CNTN4: variants seen among roughly 807,000 people sequenced by gnomAD.
CNTN4 encodes the protein contactin 4, also known as contactin-4.
In CNTN4, 77 loss-of-function variants were observed where a neutral mutation model predicts 122.5. The ratio of observed to expected loss-of-function variants is 0.63; its 90% CI spans 0.52 to 0.76. The LOEUF is 0.76. CNTN4 is among the 30% of genes least tolerant of loss of function. The pLI is 0.00. For missense variants in CNTN4, 1,256 were observed against 1,259.1 expected, an observed-to-expected ratio of 1.00 and a Z score of 0.04; for synonymous variants, 512 against 447.0, an observed-to-expected ratio of 1.15 and a Z score of -1.83.
At chr3:2,934,424 C>T (rs1421737114) in intron 13 of CNTN4, among the ~76,000 whole-genome samples, 3 of 150,586 alleles carry the variant, frequency 2.0e-5, no homozygotes, top group African/African-American at 7.3e-5. Flanking sequence ...AGTTGAAATT[C>T]ATGTAAGACA....
chr3:2,904,157 C>G (rs2094204832), intron 12 of CNTN4, among the ~76,000 whole-genome samples: 1 of 152,166 alleles, frequency 6.6e-6, no homozygotes. Context: ...GGAACTGCCT[C>G]CTATTTTAGA....
chr3:2,391,186 G>C lies in CNTN4; in HGVS notation c.-89+51953G>C, dbSNP rs543327005. Among the ~76,000 whole-genome samples, 6 of 152,248 alleles carry C rather than the reference G, an allele frequency of 3.9e-5. No homozygotes were observed. The South Asian group carries it at 1.0e-3, about 26-fold the overall frequency. ...CCTTTGTTTATGGGGTTGGATACTT[G>C]CCATATCTTCAAATATAATAACCAG... On this transcript the variant is annotated intron_variant, in intron 3 of 24. Coordinates refer to ENST00000418658, the MANE Select transcript of CNTN4 (RefSeq NM_175607.3).
intron 3 of CNTN4, among the ~76,000 whole-genome samples, chr3:2,524,581 G>A (rs935561460): frequency 4.6e-5 from 7 of 152,002 alleles, no homozygotes; most frequent in African/African-American, 1.7e-4. Flanking sequence ...TATGGAAATG[G>A]CTATAAACGA....
intron 2 of CNTN4, among the ~76,000 whole-genome samples, chr3:2,294,724 C>G (rs996066334): frequency 6.6e-6 from 1 of 152,064 alleles, no homozygotes; most frequent in Non-Finnish European, 1.5e-5. Flanking sequence ...ATGTGCACAA[C>G]GTGCAGGTTT....
chr3:2,172,418 G>A (rs529077295), intron 2 of CNTN4, among the ~76,000 whole-genome samples: 1 of 152,042 alleles, frequency 6.6e-6, no homozygotes, highest in Non-Finnish European at 1.5e-5. Context: ...TGAAATGGGG[G>A]TGAGGCATAA....
At chr3:2,232,348 G>A (rs985785548) in intron 2 of CNTN4, among the ~76,000 whole-genome samples, 3 of 152,122 alleles carry the variant, frequency 2.0e-5, no homozygotes, top group African/African-American at 7.2e-5. Context: ...TAGCTGCAAA[G>A]CTTAAGATCT....
intron 3 of CNTN4, among the ~76,000 whole-genome samples, chr3:2,515,595 A>G (rs550060284): frequency 6.6e-6 from 1 of 152,236 alleles, no homozygotes; most frequent in South Asian, 2.1e-4. Flanking sequence ...TATTTTATGG[A>G]AAGTTTTTTT....
chr3:2,861,724 G>T (rs9872038), intron 7 of CNTN4, among the ~76,000 whole-genome samples: 30,173 of 152,082 alleles, frequency 0.2, 3,171 homozygotes, highest in South Asian at 0.28. Context: ...GTGTGCACGT[G>T]TGTGTTCCAG....
chr3:3,016,247 T>C (rs1697746840), intron 14 of CNTN4, among the ~76,000 whole-genome samples: 1 of 152,198 alleles, frequency 6.6e-6, no homozygotes, highest in African/African-American at 2.4e-5. Context: ...TTTCAGATTG[T>C]CATTTCTTTT....
intron 6 of CNTN4, among the ~76,000 whole-genome samples, chr3:2,803,258 C>T (rs999963171): frequency 6.6e-6 from 1 of 152,170 alleles, no homozygotes; most frequent in Non-Finnish European, 1.5e-5. Flanking sequence ...ACCAGATTGA[C>T]ATAAACTAAA....
intron 3 of CNTN4, among the ~76,000 whole-genome samples, chr3:2,488,097 CT>C (rs1303063419): frequency 1.3e-5 from 2 of 152,300 alleles, no homozygotes. Context: ...TACACATTTA[CT>C]TCCTTGGGCA....
At chr3:2,637,084 A>G (rs954243757) in intron 4 of CNTN4, among the ~76,000 whole-genome samples, 14 of 151,376 alleles carry the variant, frequency 9.2e-5, no homozygotes, top group Non-Finnish European at 1.2e-4. Context: ...TGGATCTACA[A>G]GTGTGCACCA....
At chr3:2,350,939 T>C (rs2044587152) in intron 3 of CNTN4, among the ~76,000 whole-genome samples, 1 of 152,222 alleles carries the variant, frequency 6.6e-6, no homozygotes, top group South Asian at 2.1e-4. Context: ...TAAATAATTC[T>C]GATTAATGCA....
At chr3:2,265,603 G>T (rs1451743239) in intron 2 of CNTN4, among the ~76,000 whole-genome samples, 1 of 152,026 alleles carries the variant, frequency 6.6e-6, no homozygotes, top group Non-Finnish European at 1.5e-5. Context: ...TTTTGTAAAG[G>T]ATGTCATTGG....
At chr3:2,158,474 A>G (rs1466366334) in intron 2 of CNTN4, among the ~76,000 whole-genome samples, 5 of 152,214 alleles carry the variant, frequency 3.3e-5, no homozygotes, top group Non-Finnish European at 7.3e-5. Flanking sequence ...TGCAATAAAG[A>G]CAACCATTGT....
Position 2,271,610 on chromosome 3 carries a change from A to T in CNTN4, c.-144-67568A>T, listed in dbSNP as rs369971214. Among the ~76,000 whole-genome samples, 22 of 152,284 alleles carry T rather than the reference A, an allele frequency of 1.4e-4. No homozygotes were observed. The East Asian group carries it at 1.7e-3, about 12-fold the overall frequency. On this transcript the variant is annotated intron_variant, in intron 2 of 24. Transcript: ENST00000418658. ...TGTTTTAATAGGGAAAGTATTGGTT[A>T]TATAAATAGCCAAGAAAACAGCCAA...
intron 4 of CNTN4, among the ~76,000 whole-genome samples, chr3:2,608,883 G>A (rs987600772): frequency 6.6e-6 from 1 of 152,204 alleles, no homozygotes; most frequent in Non-Finnish European, 1.5e-5. Flanking sequence ...TCCACTACTG[G>A]GAGATTTCAT....
intron 14 of CNTN4, among the ~76,000 whole-genome samples, chr3:3,021,272 C>T (rs545974562): frequency 6.6e-6 from 1 of 152,250 alleles, no homozygotes; most frequent in Non-Finnish European, 1.5e-5. Context: ...GTTTATCTTG[C>T]ACTGATTTTT....
At chr3:2,254,356 C>T (rs757452946) in intron 2 of CNTN4, among the ~76,000 whole-genome samples, 31 of 152,002 alleles carry the variant, frequency 2.0e-4, no homozygotes, top group East Asian at 5.8e-4. Context: ...AACATACATG[C>T]GCATGTGTCA....
Sources: allele counts gnomAD v4.1 joint callset (sites outside exome capture counted in the v4.1 genomes callset), GRCh38; gene constraint gnomAD v4.1.1; transcripts MANE v1.5; gene names NCBI Gene and HGNC (gene_info 2026-07-23, HGNC 2026-07-21).